BRINP1: variants seen among roughly 807,000 people sequenced by gnomAD.
BRINP1 encodes the protein BMP/retinoic acid-inducible neural-specific protein 1.
In BRINP1, 17 loss-of-function variants were observed where a neutral mutation model predicts 72.9. The ratio of observed to expected loss-of-function variants is 0.23; its 90% CI spans 0.16 to 0.35. The LOEUF is 0.35. Ranked by LOEUF, BRINP1 falls within the 10% of genes least tolerant of loss-of-function variation. BRINP1 has a pLI of 1.00. For synonymous variants in BRINP1, 418 were observed against 378.5 expected, an observed-to-expected ratio of 1.10 and a Z score of -1.21; for missense variants, 850 against 1,001.6, an observed-to-expected ratio of 0.85 and a Z score of 2.04.
chr9:119,230,276 TGTTAA>T (rs1214313089), intron 5 of BRINP1, among the ~76,000 whole-genome samples: 13 of 152,114 alleles, frequency 8.5e-5, no homozygotes, highest in African/African-American at 2.9e-4. Flanking sequence ...AACAGCCTGG[TGTTAA>T]GTTAAGAAAT....
chr9:119,240,139 C>T (rs1423774668), intron 4 of BRINP1, among the ~76,000 whole-genome samples: 3 of 151,948 alleles, frequency 2.0e-5, no homozygotes, highest in East Asian at 1.9e-4. Flanking sequence ...CATGGTGGCG[C>T]GCACCTGTAG....
At position 119,303,291 on chromosome 9, in the gene BRINP1, GACAC is replaced by G. The variant is rs35386714; in HGVS notation, c.218+9843_218+9846del. Among the ~76,000 whole-genome samples the G allele has an allele frequency of 2.1e-3, 252 of 117,406 alleles. 2 individuals are homozygous for G. Among genetic ancestry groups the G allele is most frequent in the African/African-American group, 5.5e-3 (166 of 30,250 alleles). The allele number at this position is 117,406 out of a possible 152,430, so 77.0% of individuals were successfully genotyped here. A position where few individuals can be genotyped will look rare whatever the true frequency, so the allele number is the denominator to read the frequency against. On this transcript the variant is annotated intron_variant, in intron 2 of 7. Coordinates refer to ENST00000265922, the MANE Select transcript of BRINP1 (RefSeq NM_014618.3). ...CCCCCACCCCCACCACACACACACA[GACAC>G]ACACACACACACACACACACACACA...
intron 7 of BRINP1, among the ~76,000 whole-genome samples, chr9:119,200,244 C>T (rs1428145183): frequency 1.3e-5 from 2 of 151,970 alleles, no homozygotes; most frequent in East Asian, 3.9e-4. Flanking sequence ...GTTATAAGAA[C>T]AAAGTTATGA....
intron 1 of BRINP1, among the ~76,000 whole-genome samples, chr9:119,313,696 G>A (rs1285099656): frequency 6.6e-6 from 1 of 152,058 alleles, no homozygotes; most frequent in Non-Finnish European, 1.5e-5. Flanking sequence ...AGTTTTCTTG[G>A]AAGTAAAACT....
At chr9:119,358,272 G>T (rs978863270) in intron 1 of BRINP1, among the ~76,000 whole-genome samples, 1 of 151,546 alleles carries the variant, frequency 6.6e-6, no homozygotes, top group African/African-American at 2.4e-5. Context: ...TGCACCTGAT[G>T]AATACCCTGT....
intron 1 of BRINP1, among the ~76,000 whole-genome samples, chr9:119,336,634 C>T (rs1447744026): frequency 6.6e-6 from 1 of 152,030 alleles, no homozygotes; most frequent in Non-Finnish European, 1.5e-5. Context: ...ACAAAGCAGT[C>T]GTATTGATTT....
At chr9:119,239,849 A>C (rs978896709) in intron 4 of BRINP1, among the ~76,000 whole-genome samples, 1 of 152,098 alleles carries the variant, frequency 6.6e-6, no homozygotes, top group Non-Finnish European at 1.5e-5. Flanking sequence ...ATTTATTTTT[A>C]TATAAAAATA....
rs368759599 is a variant in BRINP1 at position 119,313,263 on chromosome 9, G to T, written c.93C>A (p.Asp31Glu). The change falls in exon 2 of 8, where the codon GAC becomes GAA. Residue 31 changes from aspartate (D) to glutamate (E), a missense_variant. Coordinates refer to ENST00000265922, the MANE Select transcript of BRINP1 (RefSeq NM_014618.3). ...AATCAAATTCCTTGGAGACATGTTG[G>T]TCTGTCCCAGCTGGTTCCTGGTGGG... ...QPSHQEPAGT[D>E]QHVSKEFDWL... is the part of the protein sequence containing the mutation. The T allele has an allele frequency of 6.2e-6, 10 of 1,614,144 alleles. No homozygotes were observed. In the East Asian group the frequency reaches 6.7e-5, roughly 11 times the overall value.
intron 1 of BRINP1, among the ~76,000 whole-genome samples, chr9:119,352,373 G>T (rs1831515539): frequency 6.6e-6 from 1 of 152,094 alleles, no homozygotes; most frequent in Non-Finnish European, 1.5e-5. Flanking sequence ...ACCACAAAAT[G>T]CTGCTGTCTT....
chr9:119,360,103 A>T (rs1236448152), intron 1 of BRINP1, among the ~76,000 whole-genome samples: 3 of 152,212 alleles, frequency 2.0e-5, no homozygotes, highest in Admixed American at 1.3e-4. Flanking sequence ...ATTGATATAC[A>T]TTCAGAATAA....
chr9:119,306,849 G>A (rs999136204), intron 2 of BRINP1, among the ~76,000 whole-genome samples: 15 of 152,102 alleles, frequency 9.9e-5, no homozygotes, highest in African/African-American at 3.6e-4. Flanking sequence ...CAAAAACATG[G>A]ATGATTCTTT....
chr9:119,315,750 T>C (rs896837760), intron 1 of BRINP1, among the ~76,000 whole-genome samples: 1 of 152,182 alleles, frequency 6.6e-6, no homozygotes, highest in Non-Finnish European at 1.5e-5. Context: ...AGTGAACACA[T>C]GAATGATAAG....
intron 2 of BRINP1, among the ~76,000 whole-genome samples, chr9:119,305,019 T>C (rs966672128): frequency 6.6e-6 from 1 of 152,158 alleles, no homozygotes; most frequent in Admixed American, 6.6e-5. Flanking sequence ...CACAAACCCA[T>C]TGCAAACTCT....
intron 1 of BRINP1, among the ~76,000 whole-genome samples, chr9:119,367,950 C>T (rs1055285092): frequency 6.6e-6 from 1 of 152,194 alleles, no homozygotes; most frequent in African/African-American, 2.4e-5. Context: ...TCTCTGGGGG[C>T]TTCCCCGCCT....
intron 2 of BRINP1, among the ~76,000 whole-genome samples, chr9:119,301,294 C>T (rs1254584775): frequency 6.6e-6 from 1 of 152,170 alleles, no homozygotes; most frequent in Non-Finnish European, 1.5e-5. Flanking sequence ...TTAACCTAGA[C>T]CCAGTGGATT....
At chr9:119,241,062 T>G (rs1222820019) in intron 4 of BRINP1, among the ~76,000 whole-genome samples, 2 of 152,362 alleles carry the variant, frequency 1.3e-5, no homozygotes, top group Admixed American at 1.3e-4. Context: ...GTGTTTAAAA[T>G]GGAATCTTGT....
At chr9:119,307,879 T>C (rs887046269) in intron 2 of BRINP1, among the ~76,000 whole-genome samples, 4 of 152,182 alleles carry the variant, frequency 2.6e-5, no homozygotes, top group African/African-American at 9.7e-5. Context: ...TCTATATCAT[T>C]TGGGAGGCAG....
intron 1 of BRINP1, among the ~76,000 whole-genome samples, chr9:119,342,127 A>G (rs375475024): frequency 6.7e-6 from 1 of 149,246 alleles, no homozygotes; most frequent in East Asian, 1.9e-4. Context: ...GATAGGCAAG[A>G]ATATAGCCAA....
At chr9:119,278,175 T>G (rs150958107) in intron 2 of BRINP1, among the ~76,000 whole-genome samples, 19 of 152,296 alleles carry the variant, frequency 1.2e-4, no homozygotes, top group African/African-American at 4.3e-4. Flanking sequence ...CAACTCAATA[T>G]TTGCACTGGA....
Sources: gnomAD v4.1 joint callset for allele counts (sites outside exome capture counted in the v4.1 genomes callset) on GRCh38, gnomAD v4.1.1 for gene constraint, MANE v1.5 for transcripts, NCBI Gene and HGNC (gene_info 2026-07-23, HGNC 2026-07-21) for gene names.